ATRIP: variants seen among roughly 807,000 people sequenced by gnomAD.
ATRIP encodes the protein ATR interacting protein, also known as ATR-interacting protein.
In ATRIP, 44 loss-of-function variants were observed where a neutral mutation model predicts 78.1. That is an observed-to-expected ratio of 0.56 (90% CI 0.44 to 0.72). The LOEUF (loss-of-function observed/expected upper bound fraction) is 0.72, where lower values mean the gene tolerates loss of function less well. ATRIP is among the 30% of genes least tolerant of loss of function. ATRIP has a pLI of 0.00. For missense variants in ATRIP, 927 were observed against 980.2 expected (o/e 0.95, Z 0.72); for synonymous variants, 388 against 408.9 (o/e 0.95, Z 0.62).
chr3:48,449,176 G>C (rs998078884), intron 1 of ATRIP, among the ~76,000 whole-genome samples: 26 of 152,126 alleles, frequency 1.7e-4, no homozygotes, highest in Non-Finnish European at 3.1e-4. Flanking sequence ...CACTTTGGGA[G>C]GCCAAGGTGG....
At chr3:48,449,770 CAAAAA>C (rs779657943) in intron 1 of ATRIP, among the ~76,000 whole-genome samples, 4 of 43,312 alleles carry the variant, frequency 9.2e-5, no homozygotes, top group Non-Finnish European at 2.0e-4. Flanking sequence ...TACTAAAATC[CAAAAA>C]AAAAAAAAAA....
rs768603105 is a variant in ATRIP, at chr3:48,457,291, C to T, written c.704C>T (p.Pro235Leu). The T allele has an allele frequency of 3.9e-5, 62 of 1,598,092 alleles. No homozygotes were observed. Among genetic ancestry groups the T allele is most frequent in the South Asian group, 4.6e-5 (4 of 87,580 alleles). Residue 235 changes from proline (P) to leucine (L), a missense_variant, in exon 5 of 13, where the codon CCA becomes CTA. Pro to Leu is a moderately conservative substitution (Grantham distance 98). Transcript: ENST00000320211. ...PRKNPSVVIK[P>L]EACSPQFGKT... ...AAAAACCCTTCTGTGGTTATAAAGCCAGAAGCATGTTCTCCACAATTTGGA... is the reference window on the plus strand; with the variant it reads ...AAAAACCCTTCTGTGGTTATAAAGCTAGAAGCATGTTCTCCACAATTTGGA...
At position 48,459,255 on chromosome 3, in the gene ATRIP, G is replaced by A. The variant is rs778324938; in HGVS notation, c.830-104G>A. The A allele has an allele frequency of 2.2e-5, 20 of 929,226 alleles. No homozygotes were observed. In the African/African-American group the frequency reaches 2.2e-4, roughly 10 times the overall value. The allele number at this position is 929,226 out of a possible 1,614,324, so 57.6% of individuals were successfully genotyped here. On this transcript the variant is annotated intron_variant, in intron 5 of 12. Transcript: ENST00000320211. ...TTTGGCTCTTGTTTGTTCCAAGTTC[G>A]AAGAAGTAGAACAGCGTGTGTTTTA... is the stretch of plus-strand genomic sequence containing the variant.
chr3:48,446,948 C>A lies in ATRIP; in HGVS notation c.103C>A (p.Arg35=), dbSNP rs2039691066. 2 of 1,526,360 alleles carry A rather than the reference C, an allele frequency of 1.3e-6. No individual in the cohort carries two copies. The highest frequency in any genetic ancestry group is 2.1e-5 in the Admixed American group (1 of 46,790). The allele number at this position is 1,526,360 out of a possible 1,614,324, so 94.6% of individuals were successfully genotyped here. The change falls in exon 1 of 13, where the codon CGG becomes AGG. Residue 35 remains arginine (R), a synonymous_variant. Transcript: ENST00000320211. ...CGGGCACCCCCCGAGCAAGCGGGCC[C>A]GGGGCTTCTCCGCAGCCGCTGCCCC... The part of the protein sequence containing the change: ...GTGHPPSKRA[R]GFSAAAAPDP...
At chr3:48,464,207 GCT>G in intron 10 of ATRIP, 75 bp downstream of exon 10, 1 of 1,296,426 alleles carries the variant, frequency 7.7e-7, no homozygotes. Context: ...CTTTCTTTCC[GCT>G]GAGGAGAAAC....
At position 48,457,229 on chromosome 3, in the gene ATRIP, T is replaced by G. The variant is rs778973976; in HGVS notation, c.672-30T>G. On this transcript the variant is annotated intron_variant, in intron 4 of 12. Coordinates refer to ENST00000320211, the MANE Select transcript of ATRIP (RefSeq NM_130384.3). ...TTTTGAATGGTTTTAGTAGAATCAT[T>G]ACTTTGCTTTCATAGTTAACTTTTT... 2.6e-6 allele frequency: 4 copies of G among 1,513,448 alleles called. No homozygotes were observed. In the South Asian group the frequency reaches 5.5e-5, roughly 21 times the overall value. 93.8% of individuals were successfully genotyped at this position (1,513,448 alleles called of 1,614,324 possible).
At chr3:48,461,473 C>T (rs2040110871) in intron 8 of ATRIP, 1 of 152,244 alleles carries the variant, frequency 6.6e-6, no homozygotes, top group Admixed American at 6.5e-5. Context: ...AATGATTCCA[C>T]TGGCTGAATA....
Position 48,466,094 on chromosome 3 carries a change from G to A in ATRIP, c.*540G>A. 2.6e-6 allele frequency: 1 copy of A among 378,394 alleles called. No homozygotes were observed. Among genetic ancestry groups the A allele is most frequent in the Non-Finnish European group, 5.1e-6 (1 of 197,708 alleles). The allele number at this position is 378,394 out of a possible 1,614,324, so 23.4% of individuals were successfully genotyped here. ...AGGCCACAGCTGTGGATCTTGGAAG[G>A]CCTCTGGGGTCCCCCGGGAGCAGGG... On this transcript the variant is annotated 3_prime_UTR_variant, in exon 13 of 13. Coordinates refer to ENST00000320211, the MANE Select transcript of ATRIP (RefSeq NM_130384.3).
Position 48,467,595 on chromosome 3 carries a change from G to A in ATRIP, c.*2041G>A. 6.2e-7 allele frequency: 1 copy of A among 1,610,716 alleles called. No homozygotes were observed. The highest frequency in any genetic ancestry group is 8.5e-7 in the Non-Finnish European group (1 of 1,178,070). ...TGGACTATCCCTGGCCACACCTGGG[G>A]AGTAGGCCAAGAAGGAAAATCTGAC... On this transcript the variant is annotated 3_prime_UTR_variant, in exon 13 of 13. Transcript: ENST00000320211.
In ATRIP at chr3:48,446,763, C is replaced by T; in HGVS notation, c.-83C>T. The T allele has an allele frequency of 1.5e-6, 2 of 1,322,828 alleles. No individual in the cohort carries two copies. Among genetic ancestry groups the T allele is most frequent in the South Asian group, 2.7e-5 (1 of 37,564 alleles). 81.9% of individuals were successfully genotyped at this position (1,322,828 alleles called of 1,614,324 possible). ...CTCGCGGCGGAGGCAAGCGGCGGCG[C>T]GCGGACGGTTGGTCCAGTTCTCCGG... On this transcript the variant is annotated 5_prime_UTR_variant, in exon 1 of 13. Coordinates refer to ENST00000320211, the MANE Select transcript of ATRIP (RefSeq NM_130384.3).
At chr3:48,447,740 C>T (rs1250573580) in intron 1 of ATRIP, among the ~76,000 whole-genome samples, 1 of 152,150 alleles carries the variant, frequency 6.6e-6, no homozygotes, top group Admixed American at 6.5e-5. Context: ...TCTCAAGGCA[C>T]CTTAAACTCA....
intron 3 of ATRIP, among the ~76,000 whole-genome samples, chr3:48,452,845 TAGTC>T (rs1455089421): frequency 6.7e-6 from 1 of 149,748 alleles, no homozygotes. Flanking sequence ...TCTAATAAAA[TAGTC>T]AGAGGTAGGG....
chr3:48,451,460 C>T (rs2039834785), intron 2 of ATRIP, among the ~76,000 whole-genome samples: 2 of 152,220 alleles, frequency 1.3e-5, no homozygotes, highest in South Asian at 4.1e-4. Flanking sequence ...CACAGCATTC[C>T]AGCCTAAGCA....
intron 1 of ATRIP, chr3:48,447,655 T>G (rs980274125): frequency 7.0e-6 from 4 of 567,862 alleles, no homozygotes; most frequent in Non-Finnish European, 8.9e-6. Context: ...ACATTCTAGT[T>G]GAGGAGTGAG....
intron 1 of ATRIP, among the ~76,000 whole-genome samples, chr3:48,449,081 A>G (rs992848454): frequency 1.3e-5 from 2 of 152,188 alleles, no homozygotes; most frequent in African/African-American, 4.8e-5. Context: ...GATGAAGGAT[A>G]GGGAAAGAAT....
chr3:48,463,718 A>C, intron 8 of ATRIP, 27 bp from the exon 9 acceptor site: 1 of 1,613,400 alleles, frequency 6.2e-7, no homozygotes, highest in South Asian at 1.1e-5. Flanking sequence ...GGGGAGTGTC[A>C]CGTCTCTCTG....
chr3:48,453,891 A>G (rs934588403), intron 3 of ATRIP, among the ~76,000 whole-genome samples: 1 of 152,190 alleles, frequency 6.6e-6, no homozygotes, highest in African/African-American at 2.4e-5. Context: ...AAGACATTAA[A>G]TAAATGGTGG....
chr3:48,450,406 A>G (rs1391603043), intron 2 of ATRIP: 3 of 1,038,518 alleles, frequency 2.9e-6, no homozygotes, highest in Non-Finnish European at 4.1e-6. Context: ...AAAGAGATAC[A>G]AACTGTTAGG....
Position 48,460,218 on chromosome 3 carries a change from G to C in ATRIP, c.1164G>C (p.Leu388=). ...ACCTGGCATTCACTGGACTGAATCT[G>C]GTTGCCCGGAATGAGTGCTCACGTG... ...AQNLAFTGLN[L]VARNECSRDG... Residue 388 remains leucine, a synonymous_variant, in exon 8 of 13, where the codon CTG becomes CTC. Coordinates refer to ENST00000320211, the MANE Select transcript of ATRIP (RefSeq NM_130384.3). The C allele has an allele frequency of 1.2e-6, 2 of 1,614,166 alleles. No homozygotes were observed. Among genetic ancestry groups the C allele is most frequent in the African/African-American group, 2.7e-5 (2 of 75,048 alleles).
Sources: gnomAD v4.1 joint callset for allele counts (sites outside exome capture counted in the v4.1 genomes callset) on GRCh38, gnomAD v4.1.1 for gene constraint, MANE v1.5 for transcripts, NCBI Gene and HGNC (gene_info 2026-07-23, HGNC 2026-07-21) for gene names.